The following DIAPH3 variants were observed in gnomAD, a reference collection of about 807,000 sequenced individuals.
DIAPH3 encodes diaphanous related formin 3, also known as protein diaphanous homolog 3.
DIAPH3 carries 117 observed loss-of-function variants against 144.3 expected under a neutral mutation model. The ratio of observed to expected loss-of-function variants is 0.81; its 90% CI spans 0.70 to 0.95. The LOEUF (loss-of-function observed/expected upper bound fraction) is 0.95, where lower values mean the gene tolerates loss of function less well. DIAPH3 is among the 40% of genes least tolerant of loss of function. The probability of loss-of-function intolerance (pLI) is 0.00; values close to 1 mark genes in which losing one functional copy is unlikely to be tolerated. For missense variants in DIAPH3, 1,421 were observed against 1,412.7 expected (o/e 1.01, Z -0.09); for synonymous variants, 519 against 488.9 (o/e 1.06, Z -0.81).
intron 17 of DIAPH3, among the ~76,000 whole-genome samples, chr13:59,935,704 G>T (rs1011607411): frequency 6.6e-6 from 1 of 152,050 alleles, no homozygotes; most frequent in Admixed American, 6.5e-5. Flanking sequence ...AATATTTCTA[G>T]GCACATAAAT....
intron 1 of DIAPH3, among the ~76,000 whole-genome samples, chr13:60,160,180 C>T (rs1444891437): frequency 1.3e-5 from 2 of 152,048 alleles, no homozygotes; most frequent in African/African-American, 4.8e-5. Flanking sequence ...GCCGAGATCA[C>T]GCCTCTGCAC....
intron 1 of DIAPH3, among the ~76,000 whole-genome samples, chr13:60,142,887 A>G (rs73203969): frequency 0.041 from 6,235 of 151,896 alleles, 182 homozygotes; most frequent in East Asian, 0.1. Context: ...AGCTGGGATT[A>G]CAAGAGCACA....
At chr13:60,002,481 C>A (rs988787715) in intron 9 of DIAPH3, among the ~76,000 whole-genome samples, 1 of 152,182 alleles carries the variant, frequency 6.6e-6, no homozygotes, top group African/African-American at 2.4e-5. Flanking sequence ...TGACACAAAG[C>A]TGATACTCAG....
At position 60,083,407 on chromosome 13, in the gene DIAPH3, T is replaced by C. The variant is rs752131021; in HGVS notation, c.495+10221A>G. On this transcript the variant is annotated intron_variant, in intron 4 of 27. Coordinates refer to ENST00000400324, the MANE Select transcript of DIAPH3 (RefSeq NM_001042517.2). Reference sequence around the variant, plus strand: ...ATCCCAATAAATGAAAATGAAATTATAGAATTCTAACTGCAAACTAGATAT... The same window carrying C: ...ATCCCAATAAATGAAAATGAAATTACAGAATTCTAACTGCAAACTAGATAT... 4.5e-4 allele frequency among the ~76,000 whole-genome samples: 68 copies of C among 151,986 alleles called. 1 individual carries two copies. Among genetic ancestry groups the C allele is most frequent in the Non-Finnish European group, 8.4e-4 (57 of 67,988 alleles).
At chr13:60,069,708 C>G (rs1403366947) in intron 4 of DIAPH3, among the ~76,000 whole-genome samples, 1 of 152,148 alleles carries the variant, frequency 6.6e-6, no homozygotes, top group Non-Finnish European at 1.5e-5. Flanking sequence ...AGCCAGTCAT[C>G]CCAGCACCAT....
intron 9 of DIAPH3, among the ~76,000 whole-genome samples, chr13:60,005,642 G>A (rs553589848): frequency 4.0e-4 from 61 of 152,030 alleles, no homozygotes; most frequent in Non-Finnish European, 2.2e-4. Context: ...CACCATGCCC[G>A]GCTAATTTTT....
At chr13:59,726,886 G>A (rs2035625568) in intron 27 of DIAPH3, among the ~76,000 whole-genome samples, 1 of 152,070 alleles carries the variant, frequency 6.6e-6, no homozygotes, top group African/African-American at 2.4e-5. Context: ...TGATGAAGAG[G>A]TCCTGGTGAA....
intron 27 of DIAPH3, among the ~76,000 whole-genome samples, chr13:59,729,749 G>A (rs2035792202): frequency 1.3e-5 from 2 of 150,940 alleles, no homozygotes; most frequent in African/African-American, 4.9e-5. Flanking sequence ...ACTATTGGGG[G>A]AAAACTGGGT....
At chr13:59,850,130 G>T (rs1261711916) in intron 22 of DIAPH3, among the ~76,000 whole-genome samples, 1 of 151,674 alleles carries the variant, frequency 6.6e-6, no homozygotes, top group African/African-American at 2.4e-5. Context: ...GTCTGTTGTT[G>T]GTGTATAAGA....
In DIAPH3 at chr13:60,084,052, AGATAGAT is replaced by A. The variant is rs1333527028; in HGVS notation, c.495+9569_495+9575del. Among the ~76,000 whole-genome samples the A allele has an allele frequency of 1.6e-4, 24 of 151,766 alleles. 1 individual carries two copies. In the South Asian group the frequency reaches 3.7e-3, roughly 24 times the overall value. On this transcript the variant is annotated intron_variant, in intron 4 of 27. Transcript: ENST00000400324. Reference sequence around the variant, plus strand: ...TAGATAGATAGATAGATAGATAGATAGATAGATAGAAAGAATAAACTATAGTCCGCAG... The same window carrying A: ...TAGATAGATAGATAGATAGATAGATAAGAAAGAATAAACTATAGTCCGCAG...
chr13:60,105,113 A>C (rs890070243), intron 3 of DIAPH3, among the ~76,000 whole-genome samples: 2 of 149,790 alleles, frequency 1.3e-5, no homozygotes, highest in South Asian at 2.1e-4. Flanking sequence ...AAAAAAAAAA[A>C]AAAAAAAAAA....
chr13:59,925,178 T>C (rs185365702), intron 17 of DIAPH3, among the ~76,000 whole-genome samples: 414 of 152,214 alleles, frequency 2.7e-3, no homozygotes, highest in African/African-American at 9.2e-3. Flanking sequence ...ATTAGCTCAT[T>C]TGAATAGCAT....
At chr13:59,868,162 T>C (rs2044044136) in intron 21 of DIAPH3, among the ~76,000 whole-genome samples, 1 of 152,080 alleles carries the variant, frequency 6.6e-6, no homozygotes, top group African/African-American at 2.4e-5. Context: ...TTTAAAAATA[T>C]TCTTGTTTGG....
At chr13:59,903,129 G>T (rs73196159) in intron 20 of DIAPH3, among the ~76,000 whole-genome samples, 8,626 of 152,206 alleles carry the variant, frequency 0.057, 293 homozygotes, top group Admixed American at 0.1. Context: ...AACAGAAAAG[G>T]AAGTAGTAAT....
chr13:59,873,570 T>C (rs1295957682), intron 21 of DIAPH3, among the ~76,000 whole-genome samples: 1 of 152,180 alleles, frequency 6.6e-6, no homozygotes, highest in Non-Finnish European at 1.5e-5. Context: ...AGTTCCACTA[T>C]GTGCCTGAAA....
intron 20 of DIAPH3, among the ~76,000 whole-genome samples, chr13:59,882,426 AGGTGGAATC>A (rs1432814344): frequency 6.6e-6 from 1 of 152,174 alleles, no homozygotes; most frequent in Non-Finnish European, 1.5e-5. Context: ...TTATTTCTTC[AGGTGGAATC>A]AAATAAAAAG....
rs146173890 is a variant in DIAPH3 at position 59,719,751 on chromosome 13, C to T, written c.3320-52905G>A. 6.7e-3 allele frequency among the ~76,000 whole-genome samples: 1,024 copies of T among 152,094 alleles called. 14 individuals are homozygous for T. The highest frequency in any genetic ancestry group is 0.014 in the Middle Eastern group (4 of 294). Reference sequence around the variant, plus strand: ...AAAGAAATGACAGATGGCACTCTAGCGGTGAAATTGGACTGAGAGGCAGAC... The same window carrying T: ...AAAGAAATGACAGATGGCACTCTAGTGGTGAAATTGGACTGAGAGGCAGAC... On this transcript the variant is annotated intron_variant, in intron 27 of 27. Transcript: ENST00000400324.
chr13:60,065,775 A>C (rs1474427370), intron 4 of DIAPH3, among the ~76,000 whole-genome samples: 1 of 152,136 alleles, frequency 6.6e-6, no homozygotes, highest in Admixed American at 6.6e-5. Flanking sequence ...AGGAGAGAAA[A>C]GCACACCAAT....
chr13:59,930,557 C>T (rs1359353188), intron 17 of DIAPH3, among the ~76,000 whole-genome samples: 1 of 152,028 alleles, frequency 6.6e-6, no homozygotes, highest in Non-Finnish European at 1.5e-5. Context: ...TCTAAAGGCA[C>T]TGAAAGACTT....
Sources: allele counts gnomAD v4.1 joint callset (sites outside exome capture counted in the v4.1 genomes callset), GRCh38; gene constraint gnomAD v4.1.1; transcripts MANE v1.5; gene names NCBI Gene and HGNC (gene_info 2026-07-23, HGNC 2026-07-21).